Variants in BLK observed in about 807,000 individuals in gnomAD.
BLK encodes BLK proto-oncogene, Src family tyrosine kinase.
In BLK, 64 loss-of-function variants were observed where a neutral mutation model predicts 61.8. That is an observed-to-expected ratio of 1.03 (90% confidence interval 0.85 to 1.27). The LOEUF (loss-of-function observed/expected upper bound fraction) is 1.27, where lower values mean the gene tolerates loss of function less well. BLK is among the 50% of genes most tolerant of loss of function. The probability of loss-of-function intolerance (pLI) is 0.00; values close to 1 mark genes in which losing one functional copy is unlikely to be tolerated. For missense variants in BLK, 853 were observed against 660.5 expected (o/e 1.29, Z -3.19); for synonymous variants, 351 against 272.0 (o/e 1.29, Z -2.86).
At chr8:11,562,413 G>C (rs1455386209) in intron 11 of BLK, among the ~76,000 whole-genome samples, 2 of 152,222 alleles carry the variant, frequency 1.3e-5, no homozygotes, top group Admixed American at 6.5e-5. Context: ...GGGAGACCGA[G>C]AAATGGAGGC....
At chr8:11,517,129 G>T (rs1009218714) in intron 1 of BLK, among the ~76,000 whole-genome samples, 1 of 152,164 alleles carries the variant, frequency 6.6e-6, no homozygotes, top group African/African-American at 2.4e-5. Context: ...CAGGTGGGAG[G>T]ACAGGGAAGA....
chr8:11,506,795 A>G (rs868190665), intron 1 of BLK, among the ~76,000 whole-genome samples: 7 of 152,292 alleles, frequency 4.6e-5, no homozygotes, highest in Admixed American at 1.3e-4. Context: ...GCCACATCCC[A>G]GGTTGAGGGA....
At chr8:11,550,331 C>T (rs1305971660) in intron 6 of BLK, 69 bp downstream of exon 6, 4 of 1,462,780 alleles carry the variant, frequency 2.7e-6, no homozygotes, top group African/African-American at 2.8e-5. Context: ...AGAGGCCTGG[C>T]CCTGGAGTGA....
In BLK at chr8:11,505,035, C is replaced by G. The variant is rs564309798; in HGVS notation, c.-2+10444C>G. 3.3e-5 allele frequency among the ~76,000 whole-genome samples: 5 copies of G among 152,258 alleles called. No homozygotes were observed. In the East Asian group the frequency reaches 7.7e-4, roughly 23 times the overall value. On this transcript the variant is annotated intron_variant, in intron 1 of 12. Coordinates refer to ENST00000259089, the MANE Select transcript of BLK (RefSeq NM_001715.3). ...AAGAATACACACAGAAACACACAGA[C>G]ACCCACACATATACACACATGCACA...
At chr8:11,538,886 C>G (rs1800250854) in intron 1 of BLK, among the ~76,000 whole-genome samples, 1 of 152,124 alleles carries the variant, frequency 6.6e-6, no homozygotes, top group Non-Finnish European at 1.5e-5. Flanking sequence ...GCAAATCACT[C>G]AAATCCTCCT....
intron 1 of BLK, among the ~76,000 whole-genome samples, chr8:11,513,325 TG>T (rs1408766181): frequency 2.0e-5 from 3 of 152,118 alleles, no homozygotes; most frequent in African/African-American, 7.2e-5. Flanking sequence ...ATGAAGACCT[TG>T]GTGATTCGTG....
At chr8:11,505,594 C>T (rs760778869) in intron 1 of BLK, among the ~76,000 whole-genome samples, 2 of 152,206 alleles carry the variant, frequency 1.3e-5, no homozygotes, top group South Asian at 2.1e-4. Flanking sequence ...TGGGCAGTTC[C>T]GCATCCTTGG....
At chr8:11,498,084 G>T (rs918939948) in intron 1 of BLK, among the ~76,000 whole-genome samples, 22 of 152,334 alleles carry the variant, frequency 1.4e-4, no homozygotes, top group African/African-American at 5.3e-4. Context: ...AATCAAGGAA[G>T]TTTTCTCACG....
At chr8:11,558,962 GT>G in intron 10 of BLK, 1 of 456,282 alleles carries the variant, frequency 2.2e-6, no homozygotes, top group South Asian at 1.5e-5. Context: ...TTCCGCTGAG[GT>G]GGGCAGACAG....
chr8:11,549,391 T>G (rs3808499), intron 5 of BLK, among the ~76,000 whole-genome samples: 6 of 152,222 alleles, frequency 3.9e-5, no homozygotes, highest in African/African-American at 1.4e-4. Context: ...CCGGCCCCAG[T>G]GTCTGATGGC....
intron 5 of BLK, 30 bp from the exon 6 acceptor site, chr8:11,550,129 T>A (rs751765814): frequency 1.9e-5 from 30 of 1,589,930 alleles, no homozygotes; most frequent in Admixed American, 3.3e-5. Context: ...AGGGTCGCTC[T>A]GAGTTTCACC....
At chr8:11,523,057 G>GTGT (rs386412076) in intron 1 of BLK, among the ~76,000 whole-genome samples, 3 of 151,684 alleles carry the variant, frequency 2.0e-5, no homozygotes, top group Admixed American at 1.3e-4. Context: ...ATTATTTTCT[G>GTGT]TTTTTTTATA....
rs533975103 is a variant in BLK, at chr8:11,497,088, G to A, written c.-2+2497G>A. Among the ~76,000 whole-genome samples the A allele has an allele frequency of 8.7e-4, 133 of 152,248 alleles. 1 individual carries two copies. Among genetic ancestry groups the A allele is most frequent in the Middle Eastern group, 3.4e-3 (1 of 294 alleles). Reference sequence around the variant, plus strand: ...GTGAGCCCTACTCAAAGGTGATGCTGCGCCTGATTAGAGAAAAGCTTCCAA... The same window carrying A: ...GTGAGCCCTACTCAAAGGTGATGCTACGCCTGATTAGAGAAAAGCTTCCAA... On this transcript the variant is annotated intron_variant, in intron 1 of 12. Coordinates refer to ENST00000259089, the MANE Select transcript of BLK (RefSeq NM_001715.3).
At chr8:11,503,478 T>C (rs921600311) in intron 1 of BLK, among the ~76,000 whole-genome samples, 1 of 152,138 alleles carries the variant, frequency 6.6e-6, no homozygotes, top group Non-Finnish European at 1.5e-5. Context: ...CTGTGTCAGG[T>C]GGGACGTGAG....
At chr8:11,524,595 T>C (rs146083555) in intron 1 of BLK, among the ~76,000 whole-genome samples, 6 of 152,336 alleles carry the variant, frequency 3.9e-5, no homozygotes, top group African/African-American at 1.4e-4. Context: ...TTATGTATGC[T>C]CTTGAGCGTG....
intron 6 of BLK, among the ~76,000 whole-genome samples, chr8:11,552,014 C>A (rs1800927469): frequency 6.6e-6 from 1 of 152,114 alleles, no homozygotes; most frequent in Non-Finnish European, 1.5e-5. Flanking sequence ...AGCCTTGTAG[C>A]CAATTTTAAC....
intron 1 of BLK, among the ~76,000 whole-genome samples, chr8:11,513,827 C>A (rs192683181): frequency 6.6e-6 from 1 of 152,294 alleles, no homozygotes; most frequent in East Asian, 1.9e-4. Context: ...ACCACCGCCG[C>A]GCACTGCATG....
chr8:11,504,425 A>C (rs1798692252), intron 1 of BLK, among the ~76,000 whole-genome samples: 1 of 151,854 alleles, frequency 6.6e-6, no homozygotes, highest in Admixed American at 6.6e-5. Context: ...AAAAAAAGAA[A>C]AGATCCCATT....
At chr8:11,499,991 T>C (rs1031077135) in intron 1 of BLK, among the ~76,000 whole-genome samples, 1 of 152,080 alleles carries the variant, frequency 6.6e-6, no homozygotes, top group African/African-American at 2.4e-5. Context: ...TATAAACAAA[T>C]ACAAGCAGGA....
Sources: gnomAD v4.1 joint callset for allele counts (sites outside exome capture counted in the v4.1 genomes callset) on GRCh38, gnomAD v4.1.1 for gene constraint, MANE v1.5 for transcripts, NCBI Gene and HGNC (gene_info 2026-07-23, HGNC 2026-07-21) for gene names.